JMJD1C: variants seen among roughly 807,000 people sequenced by gnomAD.
The protein encoded by JMJD1C is jumonji domain containing 1C.
Under a neutral mutation model 245.3 loss-of-function variants are expected in JMJD1C, and 31 were observed. The observed-to-expected ratio is 0.13, with a 90% CI of 0.09 to 0.17. The LOEUF is 0.17. Among genes scored for constraint, JMJD1C ranks in the 10% least tolerant of loss-of-function variants. JMJD1C has a pLI of 1.00. For missense variants in JMJD1C, 2,691 were observed against 3,000.2 expected (o/e 0.90, Z 2.41); for synonymous variants, 1,057 against 1,017.4 (o/e 1.04, Z -0.74).
intron 2 of JMJD1C, among the ~76,000 whole-genome samples, chr10:63,306,743 A>G (rs1295091231): frequency 6.6e-6 from 1 of 152,224 alleles, no homozygotes; most frequent in Non-Finnish European, 1.5e-5. Context: ...ACCTATTAAT[A>G]ACACCCGATG....
At chr10:63,402,342 A>C (rs1948918865) in intron 1 of JMJD1C, among the ~76,000 whole-genome samples, 1 of 152,214 alleles carries the variant, frequency 6.6e-6, no homozygotes, top group African/African-American at 2.4e-5. Context: ...CGTTAAAATA[A>C]ACTTTCCACT....
At chr10:63,488,301 C>G (rs1480212881) in intron 1 of JMJD1C, among the ~76,000 whole-genome samples, 3 of 152,166 alleles carry the variant, frequency 2.0e-5, no homozygotes, top group Non-Finnish European at 4.4e-5. Context: ...AAGACTTTAA[C>G]CATGTGGAGC....
upstream of JMJD1C, among the ~76,000 whole-genome samples, chr10:63,470,709 T>C (rs1953463051): frequency 6.6e-6 from 1 of 152,114 alleles, no homozygotes; most frequent in East Asian, 1.9e-4. Context: ...GACTATCTTC[T>C]TGATGCCATG....
At chr10:63,188,908 T>C (rs992060930) in intron 18 of JMJD1C, among the ~76,000 whole-genome samples, 3 of 152,210 alleles carry the variant, frequency 2.0e-5, no homozygotes, top group South Asian at 2.1e-4. Flanking sequence ...AAGGCGTTAT[T>C]ACATGTCTGT....
intron 1 of JMJD1C, among the ~76,000 whole-genome samples, chr10:63,482,928 T>C (rs1446758878): frequency 1.3e-5 from 2 of 152,238 alleles, no homozygotes; most frequent in Admixed American, 6.5e-5. Context: ...AAGAAATCAA[T>C]GAAATGCTTC....
intron 1 of JMJD1C, among the ~76,000 whole-genome samples, chr10:63,425,009 A>AT (rs1950359797): frequency 6.6e-6 from 1 of 152,174 alleles, no homozygotes; most frequent in Non-Finnish European, 1.5e-5. Context: ...CAGCTTGAAA[A>AT]TATCTTTCCA....
chr10:63,520,204 G>C (rs576339589), intron 1 of JMJD1C, among the ~76,000 whole-genome samples: 45 of 152,278 alleles, frequency 3.0e-4, no homozygotes, highest in Admixed American at 9.2e-4. Flanking sequence ...ATGCAAGTCA[G>C]AGTATTTCCT....
At chr10:63,416,418 C>A (rs775646864) in intron 1 of JMJD1C, among the ~76,000 whole-genome samples, 3 of 151,614 alleles carry the variant, frequency 2.0e-5, no homozygotes, top group Non-Finnish European at 4.4e-5. Flanking sequence ...AAATCTATCT[C>A]ATTTTATGCA....
At chr10:63,281,435 A>C (rs1187593564) in intron 2 of JMJD1C, among the ~76,000 whole-genome samples, 37 of 136,848 alleles carry the variant, frequency 2.7e-4, no homozygotes, top group Non-Finnish European at 1.2e-4. Context: ...CTATGATTAC[A>C]GGCGTGAGCC....
At position 63,194,384 on chromosome 10, in the gene JMJD1C, T is replaced by C. The variant is rs1845201278; in HGVS notation, c.5645-9A>G. On this transcript the variant is annotated splice_polypyrimidine_tract_variant and intron_variant, in intron 13 of 25. Transcript: ENST00000399262. ...AGCATATAGTTCTTTATCTGTAAGA[T>C]AATAAAACTTGTATATCACACTCAT... 5 of 1,544,836 alleles carry C rather than the reference T, an allele frequency of 3.2e-6. No individual in the cohort carries two copies. The highest frequency in any genetic ancestry group is 1.4e-5 in the African/African-American group (1 of 73,720).
intron 1 of JMJD1C, among the ~76,000 whole-genome samples, chr10:63,397,073 G>T (rs1948548447): frequency 6.6e-6 from 1 of 151,202 alleles, no homozygotes; most frequent in Non-Finnish European, 1.5e-5. Flanking sequence ...ACAAATTAAT[G>T]GATTGAATTT....
intron 1 of JMJD1C, among the ~76,000 whole-genome samples, chr10:63,411,224 G>A (rs1284106599): frequency 6.6e-6 from 1 of 151,896 alleles, no homozygotes; most frequent in Admixed American, 6.6e-5. Flanking sequence ...AGACTGGGTA[G>A]AGGTACCAGG....
At chr10:63,222,663 A>G (rs1262010749) in intron 3 of JMJD1C, 2 of 1,537,468 alleles carry the variant, frequency 1.3e-6, no homozygotes, top group South Asian at 1.1e-5. Context: ...CGGTGTGTAG[A>G]GGGAGTGGTG....
At chr10:63,294,649 C>A (rs544098324) in intron 2 of JMJD1C, among the ~76,000 whole-genome samples, 16 of 152,184 alleles carry the variant, frequency 1.1e-4, no homozygotes, top group Non-Finnish European at 2.2e-4. Context: ...TCTCATCACT[C>A]AAAATTAATC....
At chr10:63,284,948 TACACAC>T (rs1161605203) in intron 2 of JMJD1C, among the ~76,000 whole-genome samples, 1 of 147,514 alleles carries the variant, frequency 6.8e-6, no homozygotes, top group Non-Finnish European at 1.5e-5. Context: ...ACGCCACACA[TACACAC>T]ACAATTTACA....
chr10:63,350,530 TC>T (rs1944263064), intron 2 of JMJD1C, among the ~76,000 whole-genome samples: 1 of 152,166 alleles, frequency 6.6e-6, no homozygotes, highest in African/African-American at 2.4e-5. Flanking sequence ...ATTATTGTTT[TC>T]TCCTTTGTAG....
intron 1 of JMJD1C, among the ~76,000 whole-genome samples, chr10:63,381,205 A>G (rs1947188292): frequency 6.6e-6 from 1 of 152,208 alleles, no homozygotes; most frequent in Admixed American, 6.5e-5. Context: ...CATATGTGGG[A>G]GTCAAAAACA....
intron 1 of JMJD1C, among the ~76,000 whole-genome samples, chr10:63,462,874 GTTAA>G (rs1160172254): frequency 2.0e-5 from 3 of 151,936 alleles, no homozygotes; most frequent in Admixed American, 6.6e-5. Context: ...CCAAGATTAC[GTTAA>G]TTAAACAATT....
Position 63,200,562 on chromosome 10 carries a change from C to T in JMJD1C, c.5190G>A (p.Lys1730=). The part of the protein sequence containing the change: ...SCCEIGPNLQ[K]CRECRLIRSK... ...TGCGAATAAGTCTACATTCTCGACA[C>T]TTTTGTAAATTAGGCCCTATCTCAC... The change falls in exon 11 of 26, where the codon AAG becomes AAA. Residue 1730 remains lysine, a synonymous_variant. Coordinates refer to ENST00000399262, the MANE Select transcript of JMJD1C (RefSeq NM_032776.3). The T allele has an allele frequency of 1.9e-6, 3 of 1,613,974 alleles. No homozygotes were observed. In the African/African-American group the frequency reaches 4.0e-5, roughly 22 times the overall value.
Sources: allele counts gnomAD v4.1 joint callset (sites outside exome capture counted in the v4.1 genomes callset), GRCh38; gene constraint gnomAD v4.1.1; transcripts MANE v1.5; gene names NCBI Gene and HGNC (gene_info 2026-07-23, HGNC 2026-07-21).